Variants in ACOX3 observed in about 807,000 individuals in gnomAD.
ACOX3 encodes the protein acyl-CoA oxidase 3, pristanoyl.
Under a neutral mutation model 81.5 loss-of-function variants are expected in ACOX3, and 73 were observed. That is an observed-to-expected ratio of 0.90 (90% CI 0.74 to 1.09). The LOEUF is 1.09. Ranked by LOEUF, ACOX3 falls within the 50% of genes least tolerant of loss-of-function variation. ACOX3 has a pLI of 0.00. For missense variants in ACOX3, 947 were observed against 928.0 expected (o/e 1.02, Z -0.27); for synonymous variants, 387 against 375.1 (o/e 1.03, Z -0.37).
intron 16 of ACOX3, 86 bp downstream of exon 16, chr4:8,373,475 G>T (rs571705845): frequency 7.0e-7 from 1 of 1,418,824 alleles, no homozygotes; most frequent in South Asian, 1.2e-5. Flanking sequence ...GGTGCGTGTC[G>T]GTCTGGGTGA....
intron 5 of ACOX3, among the ~76,000 whole-genome samples, chr4:8,411,302 G>A (rs1721697903): frequency 6.6e-6 from 1 of 152,218 alleles, no homozygotes. Flanking sequence ...TCCAGCCCCT[G>A]CAGGGTGGGA....
At chr4:8,374,455 T>C (rs1716664341) in intron 15 of ACOX3, 1 of 153,144 alleles carries the variant, frequency 6.5e-6, no homozygotes, top group Non-Finnish European at 1.5e-5. Context: ...ATGCAGTGTA[T>C]CCTAGTACCA....
chr4:8,400,538 A>T lies in ACOX3; in HGVS notation c.777-886T>A, dbSNP rs926888976. ...CTTTTGAACAGCTGAGCATAGGATT[A>T]CACACACATTGTTATGGATCATGAT... On this transcript the variant is annotated intron_variant, in intron 7 of 17. Transcript: ENST00000356406. The surrounding 1 kb of genome is among the most constrained non-coding windows in gnomAD (Gnocchi z 4.4). Among the ~76,000 whole-genome samples the T allele has an allele frequency of 2.0e-5, 3 of 152,192 alleles. No homozygotes were observed. Among genetic ancestry groups the T allele is most frequent in the African/African-American group, 7.2e-5 (3 of 41,460 alleles).
chr4:8,397,153 C>T lies in ACOX3; in HGVS notation c.874-34G>A, dbSNP rs368199061. 1,125 of 1,503,422 alleles carry T rather than the reference C, an allele frequency of 7.5e-4. 7 individuals carry two copies. Among genetic ancestry groups the T allele is most frequent in the South Asian group, 7.4e-3 (544 of 73,236 alleles). 93.1% of individuals were successfully genotyped at this position (1,503,422 alleles called of 1,614,324 possible). The stretch of plus-strand genomic sequence containing the variant: ...GGGACACAGATGATAAGCTCAAGCC[C>T]GGCTGCGCGGCCACCTTGGGCAGAG... On this transcript the variant is annotated intron_variant, in intron 8 of 17. Coordinates refer to ENST00000356406, the MANE Select transcript of ACOX3 (RefSeq NM_003501.3).
chr4:8,416,497 C>T lies in ACOX3; in HGVS notation c.25G>A (p.Asp9Asn), dbSNP rs770760716. Reference protein sequence around the residue: MASTVEGGDTALLPEFPRG... With the variant: MASTVEGGNTALLPEFPRG... ...GGGAATTCTGGGAGCAGAGCTGTGTCGCCTCCTTCCACAGTGGATGCCATC... is the reference window on the plus strand; with the variant it reads ...GGGAATTCTGGGAGCAGAGCTGTGTTGCCTCCTTCCACAGTGGATGCCATC... The change falls in exon 2 of 18, where the codon GAC (aspartate) becomes AAC (asparagine). Residue 9 changes from aspartate to asparagine, a missense_variant. Coordinates refer to ENST00000356406, the MANE Select transcript of ACOX3 (RefSeq NM_003501.3). The surrounding 1 kb of genome is among the most constrained non-coding windows in gnomAD (Gnocchi z 4.2). 3.3e-5 allele frequency: 53 copies of T among 1,611,530 alleles called. No individual in the cohort carries two copies. The highest frequency in any genetic ancestry group is 1.6e-4 in the Middle Eastern group (1 of 6,070).
chr4:8,408,518 G>A (rs557996609), intron 6 of ACOX3, among the ~76,000 whole-genome samples: 3 of 152,098 alleles, frequency 2.0e-5, no homozygotes, highest in South Asian at 2.1e-4. Context: ...AAAACACTGC[G>A]GCTCTATGTC....
chr4:8,391,409 G>A (rs1047690178), intron 11 of ACOX3, among the ~76,000 whole-genome samples: 2 of 152,196 alleles, frequency 1.3e-5, no homozygotes, highest in Non-Finnish European at 2.9e-5. Context: ...CACAAACTTG[G>A]CAAGGACCAA....
intron 1 of ACOX3, among the ~76,000 whole-genome samples, chr4:8,422,679 A>C (rs1419654297): frequency 6.6e-6 from 1 of 152,254 alleles, no homozygotes; most frequent in African/African-American, 2.4e-5. Context: ...CTGGGTCATC[A>C]GTTCTAAGGC....
chr4:8,398,635 C>A (rs998769840), intron 8 of ACOX3, among the ~76,000 whole-genome samples: 1 of 152,112 alleles, frequency 6.6e-6, no homozygotes, highest in African/African-American at 2.4e-5. Context: ...GCTACCATGC[C>A]CGGCTAATTT....
chr4:8,397,686 G>A (rs1277071981), intron 8 of ACOX3, among the ~76,000 whole-genome samples: 1 of 152,200 alleles, frequency 6.6e-6, no homozygotes, highest in Non-Finnish European at 1.5e-5. Flanking sequence ...AGGCTGCGGT[G>A]GGCACATCTA....
intron 7 of ACOX3, among the ~76,000 whole-genome samples, chr4:8,402,863 C>T (rs1274345940): frequency 6.6e-6 from 1 of 152,232 alleles, no homozygotes; most frequent in East Asian, 1.9e-4. Context: ...ACCCCGCGCC[C>T]TGGACATCCT....
Position 8,400,886 on chromosome 4 carries a change from C to T in ACOX3, c.777-1234G>A, listed in dbSNP as rs1720295822. Among the ~76,000 whole-genome samples, 1 of 152,064 alleles carries T rather than the reference C, an allele frequency of 6.6e-6. No individual in the cohort carries two copies. Among genetic ancestry groups the T allele is most frequent in the African/African-American group, 2.4e-5 (1 of 41,378 alleles). On this transcript the variant is annotated intron_variant, in intron 7 of 17. Coordinates refer to ENST00000356406, the MANE Select transcript of ACOX3 (RefSeq NM_003501.3). The surrounding 1 kb of genome is among the most constrained non-coding windows in gnomAD (Gnocchi z 4.4). The stretch of plus-strand genomic sequence containing the variant: ...ATTATATTTATTGTGCACTTTATTT[C>T]TATTATTATTACATGGTAACACATA...
At chr4:8,436,603 T>C (rs1196266799) in intron 1 of ACOX3, among the ~76,000 whole-genome samples, 1 of 152,078 alleles carries the variant, frequency 6.6e-6, no homozygotes, top group African/African-American at 2.4e-5. Context: ...AAGCAATTAA[T>C]ATAAAAAAGA....
chr4:8,429,691 A>C lies in ACOX3; in HGVS notation c.-15+10957T>G, dbSNP rs535819831. Among the ~76,000 whole-genome samples, 16 of 152,336 alleles carry C rather than the reference A, an allele frequency of 1.1e-4. No homozygotes were observed. The East Asian group carries it at 2.9e-3, about 28-fold the overall frequency. On this transcript the variant is annotated intron_variant, in intron 1 of 17. Transcript: ENST00000356406. ...AACAAGGCTAGGTGATTAAAGGAAAAGGGAGAGTCTAAAAACAGGGTTAGT... is the reference window on the plus strand; with the variant it reads ...AACAAGGCTAGGTGATTAAAGGAAACGGGAGAGTCTAAAAACAGGGTTAGT...
At position 8,407,024 on chromosome 4, in the gene ACOX3, A is replaced by G. The variant is rs535298963; in HGVS notation, c.688-981T>C. Among the ~76,000 whole-genome samples, 1 of 152,112 alleles carries G rather than the reference A, an allele frequency of 6.6e-6. No homozygotes were observed. The highest frequency in any genetic ancestry group is 2.1e-4 in the South Asian group (1 of 4,826). ...TAGCAGGTGTTTTTCCTTGACACTT[A>G]TGCTACCGCTAGACCACGGTCTGCT... On this transcript the variant is annotated intron_variant, in intron 6 of 17. Transcript: ENST00000356406. This position sits in a 1 kb window ranked among gnomAD's most constrained non-coding sequence, Gnocchi z 4.6.
chr4:8,411,910 A>G (rs546398576), intron 5 of ACOX3, among the ~76,000 whole-genome samples: 1 of 152,376 alleles, frequency 6.6e-6, no homozygotes, highest in South Asian at 2.1e-4. Flanking sequence ...ATGCTCAGCC[A>G]GCAGCCCAGC....
the ACOX3 span, chr4:8,357,309 G>A: frequency 2.2e-6 from 1 of 453,490 alleles, no homozygotes; most frequent in Non-Finnish European, 4.4e-6. Flanking sequence ...TCTGGGGCAG[G>A]GGCAAATCAC....
At chr4:8,409,309 G>A (rs893679210) in intron 6 of ACOX3, among the ~76,000 whole-genome samples, 1 of 152,264 alleles carries the variant, frequency 6.6e-6, no homozygotes, top group African/African-American at 2.4e-5. Flanking sequence ...GTCACTGGGG[G>A]ACATTGGGCT....
chr4:8,392,392 G>A lies in ACOX3; in HGVS notation c.1241C>T (p.Thr414Ile). 4 of 1,609,410 alleles carry A rather than the reference G, an allele frequency of 2.5e-6. No homozygotes were observed. Among genetic ancestry groups the A allele is most frequent in the Non-Finnish European group, 3.4e-6 (4 of 1,178,472 alleles). ...ASASKPLASW[T>I]TQQGIQECRE... is the part of the protein sequence containing the mutation. Reference sequence around the variant, plus strand: ...GCATTCCTGAATTCCTTGCTGGGTGGTCCACGAGGCCAGGGGCTTGCTGGC... The same window carrying A: ...GCATTCCTGAATTCCTTGCTGGGTGATCCACGAGGCCAGGGGCTTGCTGGC... The change falls in exon 11 of 18, where the codon ACC (threonine) becomes ATC (isoleucine). Residue 414 changes from threonine (T) to isoleucine (I), a missense_variant. Coordinates refer to ENST00000356406, the MANE Select transcript of ACOX3 (RefSeq NM_003501.3).
Sources: gnomAD v4.1 joint callset for allele counts (sites outside exome capture counted in the v4.1 genomes callset) on GRCh38, gnomAD v4.1.1 for gene constraint, Gnocchi (gnomAD v3.1) non-coding constraint, MANE v1.5 for transcripts, NCBI Gene and HGNC (gene_info 2026-07-23, HGNC 2026-07-21) for gene names.